Variants in COL11A1 observed in about 807,000 individuals in gnomAD.
The protein encoded by COL11A1 is collagen alpha-1(XI) chain.
COL11A1 carries 74 observed loss-of-function variants against 265.2 expected under a neutral mutation model. The observed-to-expected ratio is 0.28, with a 90% CI of 0.23 to 0.34. The LOEUF (loss-of-function observed/expected upper bound fraction) is 0.34, where lower values mean the gene tolerates loss of function less well. Among genes scored for constraint, COL11A1 ranks in the 10% least tolerant of loss-of-function variants. The pLI is 1.00. For missense variants in COL11A1, 2,165 were observed against 2,263.6 expected (o/e 0.96, Z 0.88); for synonymous variants, 816 against 727.6 (o/e 1.12, Z -1.96).
chr1:103,013,649 C>A (rs1316364013), intron 13 of COL11A1, among the ~76,000 whole-genome samples: 2 of 151,728 alleles, frequency 1.3e-5, no homozygotes, highest in African/African-American at 4.8e-5. Flanking sequence ...GGATGAATTA[C>A]AATTTTTACT....
intron 8 of COL11A1, among the ~76,000 whole-genome samples, chr1:103,022,221 A>G (rs1667153634): frequency 1.3e-5 from 2 of 152,136 alleles, no homozygotes; most frequent in East Asian, 3.9e-4. Context: ...ATTAAAATAT[A>G]TTTTTAAATA....
chr1:102,920,399 T>C, intron 48 of COL11A1, 35 bp from the exon 49 acceptor site: 3 of 1,580,998 alleles, frequency 1.9e-6, no homozygotes, highest in African/African-American at 2.7e-5. Context: ...ATTATCCATA[T>C]TCTTATTAAA....
intron 9 of COL11A1, 148 bp from the exon 10 acceptor site, chr1:103,019,007 C>A (rs1666784109): frequency 3.1e-6 from 2 of 640,116 alleles, no homozygotes; most frequent in Non-Finnish European, 5.4e-6. Flanking sequence ...TGTTTTTGCA[C>A]AGGGAAGGAA....
intron 44 of COL11A1, among the ~76,000 whole-genome samples, chr1:102,935,903 A>G (rs1658092046): frequency 6.6e-6 from 1 of 152,158 alleles, no homozygotes; most frequent in Non-Finnish European, 1.5e-5. Flanking sequence ...TCTCATAACA[A>G]CAGTAAGGCA....
intron 48 of COL11A1, among the ~76,000 whole-genome samples, chr1:102,921,000 T>C (rs1027733154): frequency 6.6e-6 from 1 of 152,208 alleles, no homozygotes; most frequent in Non-Finnish European, 1.5e-5. Context: ...TATGGCATTA[T>C]ATTTCAAAAT....
chr1:102,916,114 G>T (rs1655308618), intron 49 of COL11A1, among the ~76,000 whole-genome samples: 1 of 152,090 alleles, frequency 6.6e-6, no homozygotes, highest in Admixed American at 6.6e-5. Context: ...CAGATGACTT[G>T]CTGGTACATA....
intron 5 of COL11A1, among the ~76,000 whole-genome samples, chr1:103,029,891 T>C (rs2101988080): frequency 6.6e-6 from 1 of 152,096 alleles, no homozygotes; most frequent in South Asian, 2.1e-4. Context: ...AATGCAAACC[T>C]CCCTTCTTCC....
chr1:102,940,504 T>C, intron 42 of COL11A1, 70 bp from the exon 43 acceptor site: 2 of 1,114,472 alleles, frequency 1.8e-6, no homozygotes, highest in South Asian at 2.7e-5. Flanking sequence ...ATAATCTAGC[T>C]TCTATATTTG....
At chr1:102,950,459 G>A (rs1659765429) in intron 41 of COL11A1, among the ~76,000 whole-genome samples, 1 of 152,046 alleles carries the variant, frequency 6.6e-6, no homozygotes, top group Non-Finnish European at 1.5e-5. Context: ...GCTGAACTCT[G>A]AAATAGTGTG....
intron 4 of COL11A1, among the ~76,000 whole-genome samples, chr1:103,046,400 C>G: frequency 6.6e-6 from 1 of 151,470 alleles, no homozygotes; most frequent in Non-Finnish European, 1.5e-5. Context: ...GCATAAATGT[C>G]TTGTTTTGAG....
chr1:102,969,876 G>T (rs1008461074), intron 37 of COL11A1, among the ~76,000 whole-genome samples: 2 of 152,022 alleles, frequency 1.3e-5, no homozygotes, highest in African/African-American at 4.8e-5. Flanking sequence ...GGTTTGAGTG[G>T]AATGTATCTA....
intron 37 of COL11A1, among the ~76,000 whole-genome samples, chr1:102,966,055 C>T (rs1412322000): frequency 6.6e-6 from 1 of 152,084 alleles, no homozygotes; most frequent in Non-Finnish European, 1.5e-5. Context: ...AATATTCTTT[C>T]TTGTAAGAAA....
chr1:103,014,801 A>G (rs763882461), intron 12 of COL11A1, among the ~76,000 whole-genome samples: 8 of 152,098 alleles, frequency 5.3e-5, no homozygotes, highest in Non-Finnish European at 1.2e-4. Flanking sequence ...ACAGGTTACC[A>G]TTTGTAGAAG....
chr1:103,104,507 T>G (rs1451354956), intron 1 of COL11A1, among the ~76,000 whole-genome samples: 1 of 152,198 alleles, frequency 6.6e-6, no homozygotes, highest in East Asian at 1.9e-4. Context: ...ACTGCATAAC[T>G]TTGTTTAAAA....
At chr1:103,044,366 T>C (rs1669080771) in intron 4 of COL11A1, among the ~76,000 whole-genome samples, 1 of 152,062 alleles carries the variant, frequency 6.6e-6, no homozygotes, top group Non-Finnish European at 1.5e-5. Flanking sequence ...ACACAGCCCT[T>C]GTATTGCGCA....
At chr1:103,015,791 T>C (rs199561716) in intron 11 of COL11A1, 49 bp from the exon 12 acceptor site, 95 of 1,284,306 alleles carry the variant, frequency 7.4e-5, no homozygotes, top group Middle Eastern at 2.2e-4. Flanking sequence ...CAAAATAATA[T>C]TTACTAGAAC....
chr1:102,961,331 GC>G (rs1177249588), intron 41 of COL11A1, among the ~76,000 whole-genome samples: 4 of 152,058 alleles, frequency 2.6e-5, no homozygotes, highest in Non-Finnish European at 4.4e-5. Context: ...ATTAAATAAA[GC>G]AATATGCATA....
At chr1:102,984,675 T>C (rs1663368035) in intron 30 of COL11A1, among the ~76,000 whole-genome samples, 1 of 152,082 alleles carries the variant, frequency 6.6e-6, no homozygotes, top group African/African-American at 2.4e-5. Context: ...TTAACTTTTC[T>C]CAATGAGTAA....
intron 7 of COL11A1, among the ~76,000 whole-genome samples, 199 bp from the exon 8 acceptor site, chr1:103,023,195 T>C (rs1288907799): frequency 6.6e-6 from 1 of 152,214 alleles, no homozygotes; most frequent in Non-Finnish European, 1.5e-5. Context: ...CAAAGAGATA[T>C]TGCTTTCAAA....
Sources: allele counts gnomAD v4.1 joint callset (sites outside exome capture counted in the v4.1 genomes callset), GRCh38; gene constraint gnomAD v4.1.1; transcripts MANE v1.5; gene names NCBI Gene and HGNC (gene_info 2026-07-23, HGNC 2026-07-21).